Variants in NAALADL2 observed in about 807,000 individuals in gnomAD.
NAALADL2 encodes the protein N-acetylated alpha-linked acidic dipeptidase like 2.
Under a neutral mutation model 87.2 loss-of-function variants are expected in NAALADL2, and 76 were observed. That is an observed-to-expected ratio of 0.87 (90% CI 0.72 to 1.05). The LOEUF (loss-of-function observed/expected upper bound fraction) is 1.05. NAALADL2 is among the 50% of genes least tolerant of loss of function. The pLI is 0.00. For missense variants in NAALADL2, 1,089 were observed against 945.8 expected, an observed-to-expected ratio of 1.15 and a Z score of -1.99; for synonymous variants, 354 against 331.0, an observed-to-expected ratio of 1.07 and a Z score of -0.75.
chr3:174,936,993 C>T (rs758412672), intron 1 of NAALADL2, among the ~76,000 whole-genome samples: 1 of 151,994 alleles, frequency 6.6e-6, no homozygotes, highest in Non-Finnish European at 1.5e-5. Flanking sequence ...TGTCCTTTAC[C>T]TATAACTCCA....
At chr3:175,460,898 T>C (rs187062387) in intron 6 of NAALADL2, among the ~76,000 whole-genome samples, 2 of 152,300 alleles carry the variant, frequency 1.3e-5, no homozygotes, top group East Asian at 1.9e-4. Context: ...TTCCACAGTG[T>C]GGAAAGTGAC....
At chr3:175,551,523 G>T (rs534401889) in intron 9 of NAALADL2, among the ~76,000 whole-genome samples, 1 of 152,104 alleles carries the variant, frequency 6.6e-6, no homozygotes, top group Admixed American at 6.5e-5. Flanking sequence ...CAAATTAAGG[G>T]TCCCATTCAT....
chr3:175,139,600 C>G (rs1729681236), intron 2 of NAALADL2, among the ~76,000 whole-genome samples: 1 of 151,956 alleles, frequency 6.6e-6, no homozygotes, highest in Non-Finnish European at 1.5e-5. Flanking sequence ...TTTTATTATC[C>G]ATATTCAGAG....
intron 1 of NAALADL2, among the ~76,000 whole-genome samples, chr3:175,053,873 T>C (rs1164942659): frequency 6.6e-6 from 1 of 152,212 alleles, no homozygotes; most frequent in Non-Finnish European, 1.5e-5. Flanking sequence ...ATTGTGAAAA[T>C]GTCTCGCATT....
chr3:175,525,561 TC>T (rs1486763867), intron 9 of NAALADL2, among the ~76,000 whole-genome samples: 1 of 152,098 alleles, frequency 6.6e-6, no homozygotes, highest in Non-Finnish European at 1.5e-5. Context: ...GCTTTATTCC[TC>T]AATAATTATT....
At chr3:175,094,629 A>T (rs1031504933) in intron 1 of NAALADL2, among the ~76,000 whole-genome samples, 13 of 151,884 alleles carry the variant, frequency 8.6e-5, no homozygotes, top group Admixed American at 6.6e-4. Context: ...AAACAAGAAG[A>T]GATGGAGGGA....
intron 13 of NAALADL2, among the ~76,000 whole-genome samples, chr3:175,778,790 G>GT (rs1239728636): frequency 6.6e-6 from 1 of 152,100 alleles, no homozygotes; most frequent in Non-Finnish European, 1.5e-5. Flanking sequence ...GAGAATGGTG[G>GT]TGATGGGCCA....
chr3:175,324,028 C>CAAAAAAAAAAAAAAAAAAAAAAA (rs372517580), intron 4 of NAALADL2, 147 bp from the exon 5 acceptor site: 19 of 436,774 alleles, frequency 4.4e-5, no homozygotes, highest in Admixed American at 1.6e-4. Flanking sequence ...AAAAAACAAA[C>CAAAAAAAAAAAAAAAAAAAAAAA]AAAAAAAAAA....
chr3:175,170,441 T>A (rs1580777668), intron 2 of NAALADL2, among the ~76,000 whole-genome samples: 1 of 146,570 alleles, frequency 6.8e-6, no homozygotes, highest in Non-Finnish European at 1.5e-5. Context: ...TTTATATATA[T>A]AAATATATAA....
chr3:175,559,736 C>T (rs979327081), intron 9 of NAALADL2, among the ~76,000 whole-genome samples: 8 of 152,184 alleles, frequency 5.3e-5, no homozygotes, highest in African/African-American at 1.9e-4. Flanking sequence ...TGGTGTATCA[C>T]ATCGACTGAT....
intron 5 of NAALADL2, among the ~76,000 whole-genome samples, chr3:175,391,221 C>A (rs1164915894): frequency 6.6e-6 from 1 of 152,160 alleles, no homozygotes; most frequent in African/African-American, 2.4e-5. Flanking sequence ...TAACCACATA[C>A]CTCATGTTGG....
At chr3:175,682,401 G>A (rs1395623301) in intron 11 of NAALADL2, among the ~76,000 whole-genome samples, 2 of 151,990 alleles carry the variant, frequency 1.3e-5, no homozygotes, top group African/African-American at 2.4e-5. Context: ...TATTGCATTT[G>A]AAAAGATACA....
At chr3:175,174,127 T>C (rs1267205585) in intron 2 of NAALADL2, among the ~76,000 whole-genome samples, 2 of 152,206 alleles carry the variant, frequency 1.3e-5, no homozygotes, top group South Asian at 2.1e-4. Flanking sequence ...CAAACATATA[T>C]AACACAGCAA....
rs1227796872 is a variant in NAALADL2 at position 175,540,590 on chromosome 3, G to A, written c.1654-35451G>A. Among the ~76,000 whole-genome samples, 8 of 152,098 alleles carry A rather than the reference G, an allele frequency of 5.3e-5. No homozygotes were observed. The East Asian group carries it at 5.8e-4, about 11-fold the overall frequency. ...TGGGTGAGGCTATGAAGCTCTGGGA[G>A]GAGGTATCTGACAGGAGGAAGGCCA... On this transcript the variant is annotated intron_variant, in intron 9 of 13. Transcript: ENST00000454872.
intron 9 of NAALADL2, among the ~76,000 whole-genome samples, chr3:175,525,526 G>A (rs1733270545): frequency 6.6e-6 from 1 of 151,904 alleles, no homozygotes; most frequent in African/African-American, 2.4e-5. Context: ...AGTTTTTTAG[G>A]CTTTCTCAAA....
intron 10 of NAALADL2, among the ~76,000 whole-genome samples, chr3:175,590,500 G>A (rs12493698): frequency 0.77 from 117,089 of 151,932 alleles, 45,239 homozygotes; most frequent in East Asian, 0.88. Context: ...ATAAATTTGT[G>A]ATTAACTTAA....
intron 1 of NAALADL2, among the ~76,000 whole-genome samples, chr3:174,537,083 T>G (rs1313354673): frequency 6.6e-6 from 1 of 152,186 alleles, no homozygotes; most frequent in East Asian, 1.9e-4. Context: ...GCCATCACTA[T>G]AAACCAGTCC....
rs1162805567 is a variant in NAALADL2, at chr3:174,813,023, G to A, written c.-9+75277G>A. Among the ~76,000 whole-genome samples the A allele has an allele frequency of 2.6e-5, 4 of 152,178 alleles. No individual in the cohort carries two copies. In the East Asian group the frequency reaches 7.7e-4, roughly 29 times the overall value. On this transcript the variant is annotated intron_variant, in intron 3 of 3. Coordinates refer to the NAALADL2 transcript ENST00000434257. ...TAAATATATTTAGTGTAGCCCAAAT[G>A]TACAGTATTTATATTATAAAGTATA...
chr3:175,533,380 G>A (rs1475708416), intron 9 of NAALADL2, among the ~76,000 whole-genome samples: 6 of 152,172 alleles, frequency 3.9e-5, no homozygotes, highest in Non-Finnish European at 8.8e-5. Context: ...AGGGGTGTTG[G>A]GGGTGGCTCC....
Sources: gnomAD v4.1 joint callset for allele counts (sites outside exome capture counted in the v4.1 genomes callset) on GRCh38, gnomAD v4.1.1 for gene constraint, MANE v1.5 for transcripts, NCBI Gene and HGNC (gene_info 2026-07-23, HGNC 2026-07-21) for gene names.